Variants in PLPP1 observed in about 807,000 individuals in gnomAD.
PLPP1 encodes the protein lipid phosphate phosphohydrolase 1a.
Under a neutral mutation model 31.2 loss-of-function variants are expected in PLPP1, and 24 were observed. The ratio of observed to expected loss-of-function variants is 0.77; its 90% CI spans 0.56 to 1.08. The LOEUF (loss-of-function observed/expected upper bound fraction) is 1.08, where lower values mean the gene tolerates loss of function less well. Ranked by LOEUF, PLPP1 falls within the 50% of genes least tolerant of loss-of-function variation. PLPP1 has a pLI of 0.00. For missense variants in PLPP1, 319 were observed against 342.7 expected, an observed-to-expected ratio of 0.93 and a Z score of 0.55; for synonymous variants, 146 against 126.3, an observed-to-expected ratio of 1.16 and a Z score of -1.05.
chr5:55,526,565 AAAC>A (rs72272207), intron 1 of PLPP1, among the ~76,000 whole-genome samples: 2,736 of 152,206 alleles, frequency 0.018, 79 homozygotes, highest in African/African-American at 0.062. Flanking sequence ...GAATAGAGAA[AAAC>A]AACAACAACG....
At chr5:55,487,284 TAAA>T (rs1258088572) in intron 1 of PLPP1, among the ~76,000 whole-genome samples, 1 of 151,984 alleles carries the variant, frequency 6.6e-6, no homozygotes, top group Non-Finnish European at 1.5e-5. Context: ...AGTTTGTACA[TAAA>T]AAGTCTTGCC....
At chr5:55,437,807 G>A (rs1751527505) in intron 4 of PLPP1, among the ~76,000 whole-genome samples, 1 of 152,326 alleles carries the variant, frequency 6.6e-6, no homozygotes, top group Non-Finnish European at 1.5e-5. Flanking sequence ...AAGGTTCGTA[G>A]GCTATGGGCC....
chr5:55,526,583 C>A (rs1740441261), intron 1 of PLPP1, among the ~76,000 whole-genome samples: 1 of 152,102 alleles, frequency 6.6e-6, no homozygotes, highest in Non-Finnish European at 1.5e-5. Flanking sequence ...ACAACGACAA[C>A]AAACAGAAAA....
chr5:55,440,529 T>G (rs4865940), intron 4 of PLPP1, among the ~76,000 whole-genome samples: 2 of 152,138 alleles, frequency 1.3e-5, no homozygotes, highest in East Asian at 3.9e-4. Flanking sequence ...TTTTCCATGC[T>G]GCATCTGCAG....
At chr5:55,466,627 C>T (rs1169638842) in intron 3 of PLPP1, among the ~76,000 whole-genome samples, 1 of 151,660 alleles carries the variant, frequency 6.6e-6, no homozygotes, top group African/African-American at 2.4e-5. Flanking sequence ...CGCTTGAACC[C>T]GGGAGGCAGA....
intron 4 of PLPP1, among the ~76,000 whole-genome samples, chr5:55,426,782 T>TATC: frequency 6.6e-6 from 1 of 152,290 alleles, no homozygotes; most frequent in East Asian, 1.9e-4. Flanking sequence ...GCTCTGGGCC[T>TATC]ATCTAGGGAC....
chr5:55,443,660 G>C (rs1023584858), intron 3 of PLPP1, among the ~76,000 whole-genome samples: 3 of 152,138 alleles, frequency 2.0e-5, no homozygotes, highest in Non-Finnish European at 2.9e-5. Context: ...AACTAATTTA[G>C]GTAATAGTTT....
chr5:55,491,136 G>A (rs764104657), intron 1 of PLPP1: 30 of 1,604,314 alleles, frequency 1.9e-5, no homozygotes, highest in Non-Finnish European at 4.2e-6. Context: ...GGGAAAAAAA[G>A]ACACACATGA....
intron 1 of PLPP1, among the ~76,000 whole-genome samples, chr5:55,482,235 C>G (rs1752686343): frequency 6.6e-6 from 1 of 150,656 alleles, no homozygotes; most frequent in African/African-American, 2.4e-5. Context: ...CATCTCCAGT[C>G]AGGATACGCA....
At chr5:55,472,627 A>C (rs2111801168) in intron 2 of PLPP1, among the ~76,000 whole-genome samples, 1 of 138,372 alleles carries the variant, frequency 7.2e-6, no homozygotes, top group East Asian at 2.1e-4. Context: ...AACAAAGGAA[A>C]GAAAGAGACA....
At chr5:55,467,334 C>T (rs994658691) in intron 3 of PLPP1, among the ~76,000 whole-genome samples, 1 of 152,004 alleles carries the variant, frequency 6.6e-6, no homozygotes, top group African/African-American at 2.4e-5. Context: ...TGCTTTCTTG[C>T]TATTAACAGC....
intron 1 of PLPP1, among the ~76,000 whole-genome samples, chr5:55,479,006 T>G (rs1311575071): frequency 6.7e-6 from 1 of 149,808 alleles, no homozygotes; most frequent in African/African-American, 2.5e-5. Flanking sequence ...TTGCCATTCC[T>G]CGTATAAGCC....
chr5:55,509,097 TA>T (rs1753349654), intron 1 of PLPP1, among the ~76,000 whole-genome samples: 1 of 151,950 alleles, frequency 6.6e-6, no homozygotes, highest in South Asian at 2.1e-4. Flanking sequence ...GGGGAATGAG[TA>T]ACAAAGAGAA....
chr5:55,464,928 T>C (rs1752253455), intron 3 of PLPP1, among the ~76,000 whole-genome samples: 1 of 152,190 alleles, frequency 6.6e-6, no homozygotes, highest in Non-Finnish European at 1.5e-5. Flanking sequence ...CAAAATTTTA[T>C]GTCATGTGAA....
chr5:55,529,620 T>C (rs916134302), intron 1 of PLPP1, among the ~76,000 whole-genome samples: 18 of 152,220 alleles, frequency 1.2e-4, no homozygotes, highest in African/African-American at 4.1e-4. Context: ...TCTTCAAAAA[T>C]AGTAAATGTT....
Position 55,475,413 on chromosome 5 carries a change from G to C in PLPP1, c.96C>G (p.Thr32=), listed in dbSNP as rs1325927473. The C allele has an allele frequency of 6.2e-7, 1 of 1,610,296 alleles. No individual in the cohort carries two copies. Residue 32 remains threonine (T), a synonymous_variant, in exon 2 of 6, where the codon ACC becomes ACG. Coordinates refer to ENST00000307259, the MANE Select transcript of PLPP1 (RefSeq NM_003711.4). The stretch of plus-strand genomic sequence containing the variant: ...TACAGAATACTCCTCGTTGGAAGGG[G>C]GTATGCCTTGAAGTAAGAATTGCAA... ...LPFAILTSRH[T]PFQRGVFCND... is the part of the protein sequence containing the mutation.
chr5:55,434,803 A>C (rs796884071), intron 4 of PLPP1, among the ~76,000 whole-genome samples: 1 of 152,210 alleles, frequency 6.6e-6, no homozygotes, highest in African/African-American at 2.4e-5. Context: ...CGATAAAACT[A>C]ATCAAAGAAA....
At chr5:55,530,501 G>A in intron 1 of PLPP1, 3 of 1,202,768 alleles carry the variant, frequency 2.5e-6, no homozygotes, top group East Asian at 2.3e-5. Context: ...CACTCCTATT[G>A]CTGTTCCCTA....
At chr5:55,432,398 T>A (rs1751380140) in intron 4 of PLPP1, among the ~76,000 whole-genome samples, 1 of 152,060 alleles carries the variant, frequency 6.6e-6, no homozygotes, top group Non-Finnish European at 1.5e-5. Context: ...AGTAATAAAA[T>A]GTCTCCCATT....
Sources: allele counts gnomAD v4.1 joint callset (sites outside exome capture counted in the v4.1 genomes callset), GRCh38; gene constraint gnomAD v4.1.1; transcripts MANE v1.5; gene names NCBI Gene and HGNC (gene_info 2026-07-23, HGNC 2026-07-21).